Variants in VCL observed in about 807,000 individuals in gnomAD.
VCL encodes the protein vinculin.
A neutral mutation model predicts 125.7 loss-of-function variants in VCL; 47 were observed. The observed-to-expected ratio is 0.37, with a 90% confidence interval of 0.30 to 0.48. VCL has a LOEUF of 0.48. VCL is among the 20% of genes least tolerant of loss of function. The pLI, the probability that VCL is intolerant of heterozygous loss-of-function variation, is 0.99. For synonymous variants in VCL, 458 were observed against 514.6 expected, an observed-to-expected ratio of 0.89 and a Z score of 1.49; for missense variants, 1,069 against 1,455.5, an observed-to-expected ratio of 0.73 and a Z score of 4.32.
chr10:74,029,274 C>T (rs576816175), intron 1 of VCL, among the ~76,000 whole-genome samples: 6 of 151,956 alleles, frequency 3.9e-5, no homozygotes, highest in African/African-American at 9.7e-5. Flanking sequence ...CCATCATGCC[C>T]GGCTAATTTT....
rs530274791 is a variant in VCL at position 74,084,590 on chromosome 10, TTTTTTCTTTTTC to T, written c.1022+1095_1022+1106del. Among the ~76,000 whole-genome samples the T allele has an allele frequency of 2.5e-4, 38 of 151,246 alleles. No homozygotes were observed. In the South Asian group the frequency reaches 4.2e-3, roughly 17 times the overall value. On this transcript the variant is annotated intron_variant, in intron 8 of 21. Coordinates refer to ENST00000211998, the MANE Select transcript of VCL (RefSeq NM_014000.3). ...GCGTGAGCCACCATGACCTGCCAAA[TTTTTTCTTTTTC>T]TTTTTCTTTTTCTTTTTTATTTTTT...
At chr10:74,006,379 A>G (rs181507176) in intron 1 of VCL, among the ~76,000 whole-genome samples, 294 of 152,352 alleles carry the variant, frequency 1.9e-3, no homozygotes, top group Middle Eastern at 3.4e-3. Flanking sequence ...ATAACTCTAA[A>G]TGGACAAAGT....
chr10:74,038,382 C>T (rs1388215168), intron 1 of VCL, among the ~76,000 whole-genome samples: 1 of 152,134 alleles, frequency 6.6e-6, no homozygotes, highest in African/African-American at 2.4e-5. Flanking sequence ...AGAATATTTC[C>T]ATCATAAAAG....
intron 6 of VCL, 88 bp from the exon 7 acceptor site, chr10:74,082,366 T>C: frequency 2.1e-6 from 3 of 1,426,204 alleles, no homozygotes; most frequent in Non-Finnish European, 2.9e-6. Context: ...CTATGTATGT[T>C]AATGCTGTAA....
intron 1 of VCL, among the ~76,000 whole-genome samples, chr10:74,010,200 C>T (rs1017226743): frequency 1.1e-4 from 16 of 152,244 alleles, no homozygotes; most frequent in Non-Finnish European, 4.4e-5. Flanking sequence ...GTTGGGATTA[C>T]AGGCTGTGAG....
intron 6 of VCL, among the ~76,000 whole-genome samples, chr10:74,078,622 T>C (rs910533410): frequency 6.6e-6 from 1 of 152,196 alleles, no homozygotes; most frequent in African/African-American, 2.4e-5. Flanking sequence ...TATCTTTGGC[T>C]AGTACATCTG....
At chr10:74,089,416 ATCTT>A (rs780375520) in intron 9 of VCL, 67 bp downstream of exon 9, 162 of 1,598,756 alleles carry the variant, frequency 1.0e-4, no homozygotes, top group Non-Finnish European at 1.4e-4. Flanking sequence ...TAAATATCCT[ATCTT>A]TCTTCTCTGT....
At position 74,073,010 on chromosome 10, in the gene VCL, G is replaced by A. The variant is rs71524373; in HGVS notation, c.622+158G>A. 0.062 allele frequency among the ~76,000 whole-genome samples: 9,356 copies of A among 150,182 alleles called. 1,006 individuals carry two copies. The highest frequency in any genetic ancestry group is 0.22 in the African/African-American group (8,772 of 40,632). ...GGCTGGAGTGCAGTGGTGCGATCTC[G>A]GCTCACTGCAACCTCTGCCTCCTGG... On this transcript the variant is annotated intron_variant, in intron 5 of 21. Coordinates refer to ENST00000211998, the MANE Select transcript of VCL (RefSeq NM_014000.3).
At chr10:73,999,979 T>G (rs1463538907) in intron 1 of VCL, among the ~76,000 whole-genome samples, 1 of 152,336 alleles carries the variant, frequency 6.6e-6, no homozygotes, top group Admixed American at 6.5e-5. Context: ...GGTAATAGTG[T>G]CTCTCCATGT....
At position 74,118,653 on chromosome 10, in the gene VCL, A is replaced by G. The variant is rs1840348604; in HGVS notation, c.*484A>G. On this transcript the variant is annotated 3_prime_UTR_variant, in exon 22 of 22. Coordinates refer to ENST00000211998, the MANE Select transcript of VCL (RefSeq NM_014000.3). ...TTTTGAGCTTTCCATGTTGCTGCCA[A>G]CCATACCTTCCTTCCCTGGGCTGTG... 1 of 240,710 alleles carries G rather than the reference A, an allele frequency of 4.2e-6. No homozygotes were observed. The highest frequency in any genetic ancestry group is 5.6e-5 in the South Asian group (1 of 18,002). 14.9% of individuals were successfully genotyped at this position (240,710 alleles called of 1,614,324 possible). A position where few individuals can be genotyped will look rare whatever the true frequency, so the allele number is the denominator to read the frequency against.
chr10:74,055,548 A>G (rs1408800487), intron 2 of VCL, among the ~76,000 whole-genome samples: 2 of 150,816 alleles, frequency 1.3e-5, no homozygotes, highest in Non-Finnish European at 3.0e-5. Context: ...TTTTTTAGAG[A>G]TGGGATCTCA....
chr10:74,108,277 A>G lies in VCL; in HGVS notation c.2560-694A>G, dbSNP rs2131932651. On this transcript the variant is annotated intron_variant, in intron 17 of 21. Coordinates refer to ENST00000211998, the MANE Select transcript of VCL (RefSeq NM_014000.3). ...ATTTAGAATCTGGATCTTAGAGGTC[A>G]TTTGGTCTAGCTACCCCTCAGTGAC... 2.0e-5 allele frequency among the ~76,000 whole-genome samples: 3 copies of G among 152,256 alleles called. No homozygotes were observed. The South Asian group carries it at 6.2e-4, about 32-fold the overall frequency.
At chr10:74,006,182 G>A (rs1164138780) in intron 1 of VCL, among the ~76,000 whole-genome samples, 2 of 152,086 alleles carry the variant, frequency 1.3e-5, no homozygotes, top group Non-Finnish European at 2.9e-5. Flanking sequence ...CACTGTGCCC[G>A]GCCTATTTTT....
chr10:74,083,663 G>A, intron 8 of VCL, 150 bp downstream of exon 8: 1 of 944,832 alleles, frequency 1.1e-6, no homozygotes, highest in Admixed American at 2.5e-5. Context: ...TTGAGATGGA[G>A]GTGAACTTTC....
At chr10:73,999,080 T>A (rs1376720671) in intron 1 of VCL, among the ~76,000 whole-genome samples, 1 of 152,220 alleles carries the variant, frequency 6.6e-6, no homozygotes, top group Non-Finnish European at 1.5e-5. Flanking sequence ...CGGTTTTTCC[T>A]TCCGCTCAGC....
intron 1 of VCL, among the ~76,000 whole-genome samples, chr10:74,038,110 G>A (rs1841020601): frequency 6.6e-6 from 1 of 151,112 alleles, no homozygotes; most frequent in South Asian, 2.1e-4. Flanking sequence ...CAATTTTCCT[G>A]CCTCAGCCTC....
intron 21 of VCL, 63 bp from the exon 22 acceptor site, chr10:74,117,960 C>G: frequency 6.2e-7 from 1 of 1,611,056 alleles, no homozygotes; most frequent in Non-Finnish European, 8.5e-7. Flanking sequence ...TGGCTGAAAC[C>G]TATTTTAGAG....
chr10:74,028,385 TAAG>T (rs950689172), intron 1 of VCL, among the ~76,000 whole-genome samples: 1 of 149,758 alleles, frequency 6.7e-6, no homozygotes, highest in African/African-American at 2.5e-5. Flanking sequence ...CTCCCAGCCT[TAAG>T]TAATCTTTTT....
At chr10:74,020,893 G>C (rs1484252366) in intron 1 of VCL, among the ~76,000 whole-genome samples, 2 of 149,206 alleles carry the variant, frequency 1.3e-5, no homozygotes, top group Non-Finnish European at 3.0e-5. Context: ...AGGGTAATCT[G>C]TTTATGATGT....
Sources: gnomAD v4.1 joint callset for allele counts (sites outside exome capture counted in the v4.1 genomes callset) on GRCh38, gnomAD v4.1.1 for gene constraint, MANE v1.5 for transcripts, NCBI Gene and HGNC (gene_info 2026-07-23, HGNC 2026-07-21) for gene names.